TRMT1L: variants seen among roughly 807,000 people sequenced by gnomAD.
TRMT1L encodes the protein tRNA (guanine(27)-N(2))-dimethyltransferase.
Under a neutral mutation model 81.6 loss-of-function variants are expected in TRMT1L, and 28 were observed. The ratio of observed to expected loss-of-function variants is 0.34; its 90% CI spans 0.25 to 0.47. The LOEUF (loss-of-function observed/expected upper bound fraction) is 0.47. TRMT1L is among the 20% of genes least tolerant of loss of function. The pLI is 1.00. For missense variants in TRMT1L, 739 were observed against 877.1 expected, an observed-to-expected ratio of 0.84 and a Z score of 1.99; for synonymous variants, 301 against 303.2, an observed-to-expected ratio of 0.99 and a Z score of 0.07.
At chr1:185,124,581 C>T (rs1652576487) in intron 12 of TRMT1L, among the ~76,000 whole-genome samples, 2 of 151,478 alleles carry the variant, frequency 1.3e-5, no homozygotes, top group Admixed American at 1.3e-4. Context: ...CCCAGCTACA[C>T]AGGAGGTTGA....
chr1:185,124,221 T>C (rs566865761), intron 12 of TRMT1L, among the ~76,000 whole-genome samples: 1 of 152,310 alleles, frequency 6.6e-6, no homozygotes, highest in South Asian at 2.1e-4. Flanking sequence ...GAAGTATAAA[T>C]GTAGTTTCTG....
At position 185,156,754 on chromosome 1, in the gene TRMT1L, G is replaced by A. The variant is rs765155366; in HGVS notation, c.-42C>T. The A allele has an allele frequency of 6.2e-7, 1 of 1,609,350 alleles. No individual in the cohort carries two copies. The highest frequency in any genetic ancestry group is 2.2e-5 in the East Asian group (1 of 44,730). Reference sequence around the variant, plus strand: ...CCAAGCCCGCCCGGGGACCCGGAGCGGGGCTCACGGCGGGGTCAGAGAACT... The same window carrying A: ...CCAAGCCCGCCCGGGGACCCGGAGCAGGGCTCACGGCGGGGTCAGAGAACT... On this transcript the variant is annotated 5_prime_UTR_variant, in exon 1 of 15. Transcript: ENST00000367506.
intron 7 of TRMT1L, among the ~76,000 whole-genome samples, 193 bp downstream of exon 7, chr1:185,143,164 A>C (rs1266102614): frequency 1.3e-5 from 2 of 152,146 alleles, no homozygotes; most frequent in Non-Finnish European, 2.9e-5. Context: ...CTCATTTTTG[A>C]AGTAAGCGAT....
At chr1:185,134,401 A>G (rs1652846077) in intron 10 of TRMT1L, among the ~76,000 whole-genome samples, 1 of 152,176 alleles carries the variant, frequency 6.6e-6, no homozygotes, top group African/African-American at 2.4e-5. Flanking sequence ...CATGTTGGCC[A>G]GTTTCGAACT....
intron 13 of TRMT1L, among the ~76,000 whole-genome samples, chr1:185,122,646 T>TAACA (rs1281261163): frequency 6.6e-6 from 1 of 151,804 alleles, no homozygotes; most frequent in Non-Finnish European, 1.5e-5. Flanking sequence ...TGAGTTTATA[T>TAACA]AACAACGCCT....
intron 7 of TRMT1L, 104 bp downstream of exon 7, chr1:185,143,253 G>T: frequency 1.9e-6 from 2 of 1,056,486 alleles, no homozygotes; most frequent in Non-Finnish European, 1.3e-6. Context: ...ATTTTGCCTT[G>T]GATCTTTAAT....
intron 10 of TRMT1L, among the ~76,000 whole-genome samples, chr1:185,130,193 G>A (rs1652733591): frequency 6.6e-6 from 1 of 152,196 alleles, no homozygotes; most frequent in Non-Finnish European, 1.5e-5. Flanking sequence ...TAATGAAGCG[G>A]TAAAGTAGAA....
chr1:185,128,881 T>G (rs899723331), intron 10 of TRMT1L, 134 bp from the exon 11 acceptor site: 2 of 728,478 alleles, frequency 2.7e-6, no homozygotes, highest in African/African-American at 3.6e-5. Flanking sequence ...TGCTAAGTAT[T>G]TTATGTATGT....
chr1:185,123,957 C>T (rs1319747737), intron 12 of TRMT1L, 38 bp from the exon 13 acceptor site: 10 of 1,198,506 alleles, frequency 8.3e-6, no homozygotes, highest in African/African-American at 1.6e-5. Context: ...AAATATTTTA[C>T]AGAATGACAT....
chr1:185,133,469 G>A (rs1242551403), intron 10 of TRMT1L, among the ~76,000 whole-genome samples: 1 of 152,078 alleles, frequency 6.6e-6, no homozygotes, highest in Non-Finnish European at 1.5e-5. Flanking sequence ...AGTAGGCACT[G>A]GTTCTAGAGA....
intron 11 of TRMT1L, among the ~76,000 whole-genome samples, chr1:185,125,581 G>C (rs1452182532): frequency 6.6e-6 from 1 of 152,268 alleles, no homozygotes; most frequent in Admixed American, 6.5e-5. Context: ...GGCTGGGAAG[G>C]GGAGAAGGGA....
intron 11 of TRMT1L, among the ~76,000 whole-genome samples, chr1:185,126,387 C>T (rs567296663): frequency 7.9e-5 from 12 of 152,140 alleles, no homozygotes; most frequent in African/African-American, 1.9e-4. Context: ...CTCTGCCTCC[C>T]GGGTTCACGA....
intron 1 of TRMT1L, among the ~76,000 whole-genome samples, chr1:185,154,211 G>C: frequency 6.6e-6 from 1 of 152,146 alleles, no homozygotes; most frequent in Admixed American, 6.6e-5. Context: ...ATTATTTAAA[G>C]ATGGGTCTTG....
intron 10 of TRMT1L, among the ~76,000 whole-genome samples, chr1:185,132,129 A>C: frequency 6.6e-6 from 1 of 152,154 alleles, no homozygotes; most frequent in East Asian, 1.9e-4. Context: ...CAACACAGCA[A>C]GACTCCATCT....
intron 13 of TRMT1L, among the ~76,000 whole-genome samples, chr1:185,121,433 C>T (rs1488889819): frequency 6.6e-6 from 1 of 151,212 alleles, no homozygotes; most frequent in Non-Finnish European, 1.5e-5. Flanking sequence ...CACAGTGAGA[C>T]CCTGTCTCTT....
In TRMT1L at chr1:185,128,661, T is replaced by C. The variant is rs201718948; in HGVS notation, c.1592+8A>G. 19 of 1,606,204 alleles carry C rather than the reference T, an allele frequency of 1.2e-5. No homozygotes were observed. In the South Asian group the frequency reaches 2.1e-4, roughly 18 times the overall value. On this transcript the variant is annotated splice_region_variant and intron_variant, in intron 11 of 14. Transcript: ENST00000367506. ...AATTTTAATATGTTCTTATGGCTGG[T>C]CACATACCACAGAGGTCCAAGTTCT...
intron 9 of TRMT1L, 144 bp downstream of exon 9, chr1:185,139,223 G>C (rs944708042): frequency 1.0e-5 from 6 of 592,328 alleles, no homozygotes; most frequent in Non-Finnish European, 1.7e-5. Context: ...CAGATACCAC[G>C]TAAGATTAAA....
chr1:185,141,934 C>G (rs1227563063), intron 7 of TRMT1L, among the ~76,000 whole-genome samples: 2 of 151,990 alleles, frequency 1.3e-5, no homozygotes, highest in African/African-American at 2.4e-5. Flanking sequence ...TGACTGGAAG[C>G]AAGGGTACTA....
In TRMT1L at chr1:185,156,517, A is replaced by C; in HGVS notation, c.196T>G (p.Ser66Ala). Residue 66 changes from serine (S) to alanine (A), a missense_variant, in exon 1 of 15, where the codon TCC becomes GCC. By Grantham distance (99) the Ser-to-Ala change is moderately conservative (BLOSUM62 1). This residue lies in a region of TRMT1L where 209 missense variants were observed against 165.4 expected (regional missense o/e 1.26). Coordinates refer to ENST00000367506, the MANE Select transcript of TRMT1L (RefSeq NM_030934.5). ...TCAGGGGCAGAGGCTAGGGACGGGG[A>C]CAGGGCCGGAGCCTGGGCCAGGGCA... ...APALAQAPAL[S>A]PSLASAPEEA... The C allele has an allele frequency of 6.2e-7, 1 of 1,613,562 alleles. No homozygotes were observed. The highest frequency in any genetic ancestry group is 8.5e-7 in the Non-Finnish European group (1 of 1,179,756).
Sources: gnomAD v4.1 joint callset for allele counts (sites outside exome capture counted in the v4.1 genomes callset) on GRCh38, gnomAD v4.1.1 for gene constraint, gnomAD v4.1.1 regional missense constraint, MANE v1.5 for transcripts, NCBI Gene and HGNC (gene_info 2026-07-23, HGNC 2026-07-21) for gene names.